Variants in RBFOX1 observed in about 807,000 individuals in gnomAD.
RBFOX1 encodes RNA binding protein fox-1 homolog 1.
A neutral mutation model predicts 57.7 loss-of-function variants in RBFOX1; 8 were observed. The ratio of observed to expected loss-of-function variants is 0.14; its 90% CI spans 0.08 to 0.25. RBFOX1 has a LOEUF of 0.25. RBFOX1 is among the 10% of genes least tolerant of loss of function. The pLI is 1.00. For synonymous variants in RBFOX1, 326 were observed against 222.4 expected (o/e 1.47, Z -4.15); for missense variants, 611 against 548.5 (o/e 1.11, Z -1.14).
intron 3 of RBFOX1, among the ~76,000 whole-genome samples, chr16:6,966,001 A>G (rs1022877318): frequency 6.6e-6 from 1 of 152,140 alleles, no homozygotes; most frequent in Admixed American, 6.5e-5. Context: ...AATGCTCAAA[A>G]TGGAGCGTAT....
chr16:7,498,714 C>G (rs574723865), intron 4 of RBFOX1, among the ~76,000 whole-genome samples: 2 of 152,258 alleles, frequency 1.3e-5, no homozygotes, highest in South Asian at 4.1e-4. Flanking sequence ...AGCCACATTT[C>G]AACACCCAAT....
intron 4 of RBFOX1, among the ~76,000 whole-genome samples, chr16:7,451,784 G>C (rs1567234544): frequency 6.7e-6 from 1 of 149,238 alleles, no homozygotes; most frequent in Non-Finnish European, 1.5e-5. Flanking sequence ...ATTTGTGTCA[G>C]CTTCAGCTGA....
In RBFOX1 at chr16:6,518,821, A is replaced by G. The variant is rs530537999; in HGVS notation, c.-63-135782A>G. Among the ~76,000 whole-genome samples the G allele has an allele frequency of 1.1e-3, 131 of 116,078 alleles. 1 individual carries two copies. Among genetic ancestry groups the G allele is most frequent in the African/African-American group, 4.3e-3 (123 of 28,374 alleles). The allele number at this position is 116,078 out of a possible 152,430, so 76.2% of individuals were successfully genotyped here. On this transcript the variant is annotated intron_variant, in intron 2 of 15. Coordinates refer to ENST00000550418, the MANE Select transcript of RBFOX1 (RefSeq NM_018723.4). ...TGTCTATCTATCTATCTATCTATCT[A>G]TCTATCTATCTATCTATCTATCTAT...
chr16:6,916,765 T>A (rs931410501), intron 3 of RBFOX1, among the ~76,000 whole-genome samples: 3 of 152,170 alleles, frequency 2.0e-5, no homozygotes, highest in Admixed American at 6.5e-5. Context: ...TACCACCCAC[T>A]TAAACTTTTC....
At chr16:7,235,607 C>T (rs569891753) in intron 4 of RBFOX1, among the ~76,000 whole-genome samples, 1 of 152,288 alleles carries the variant, frequency 6.6e-6, no homozygotes, top group Non-Finnish European at 1.5e-5. Context: ...AATTGATGGG[C>T]AGCCATATCT....
intron 3 of RBFOX1, among the ~76,000 whole-genome samples, chr16:6,741,299 AT>A (rs1335550181): frequency 1.3e-5 from 2 of 152,200 alleles, no homozygotes; most frequent in African/African-American, 4.8e-5. Context: ...TAGGAAAAAT[AT>A]CTTTCGAACT....
chr16:6,223,919 T>C (rs1298561064), intron 1 of RBFOX1, among the ~76,000 whole-genome samples: 1 of 152,238 alleles, frequency 6.6e-6, no homozygotes, highest in Non-Finnish European at 1.5e-5. Context: ...TTTCTCCATA[T>C]GGCTAGCCAG....
intron 3 of RBFOX1, among the ~76,000 whole-genome samples, chr16:6,962,484 G>T (rs1391853061): frequency 6.6e-6 from 1 of 152,142 alleles, no homozygotes; most frequent in Admixed American, 6.6e-5. Flanking sequence ...GTTTAATATA[G>T]CCGCAGTGTG....
chr16:5,724,308 C>T (rs527809409), intron 3 of RBFOX1, among the ~76,000 whole-genome samples: 222 of 152,200 alleles, frequency 1.5e-3, no homozygotes, highest in Non-Finnish European at 2.4e-3. Flanking sequence ...CCTAAAGGCA[C>T]GGTGGGATTG....
chr16:7,261,021 C>G (rs1185766987), intron 4 of RBFOX1, among the ~76,000 whole-genome samples: 2 of 152,092 alleles, frequency 1.3e-5, no homozygotes, highest in East Asian at 3.9e-4. Flanking sequence ...GAAGTTTCTC[C>G]CAAGCCTACC....
intron 4 of RBFOX1, among the ~76,000 whole-genome samples, chr16:7,302,947 AT>A (rs1365703880): frequency 6.6e-6 from 1 of 152,158 alleles, no homozygotes; most frequent in African/African-American, 2.4e-5. Flanking sequence ...ACAGGCAAGA[AT>A]AAAAAAAATA....
At chr16:7,079,313 A>G (rs1042735462) in intron 4 of RBFOX1, among the ~76,000 whole-genome samples, 1 of 152,160 alleles carries the variant, frequency 6.6e-6, no homozygotes, top group Non-Finnish European at 1.5e-5. Context: ...GAGGTTTGTT[A>G]AGAGGAGACC....
intron 4 of RBFOX1, among the ~76,000 whole-genome samples, chr16:7,168,147 A>G (rs985963099): frequency 2.0e-5 from 3 of 152,218 alleles, no homozygotes; most frequent in East Asian, 1.9e-4. Flanking sequence ...ATCAGTCAGC[A>G]TTAAAGTTCA....
chr16:5,752,578 C>G (rs2053248306), intron 3 of RBFOX1, among the ~76,000 whole-genome samples: 1 of 152,142 alleles, frequency 6.6e-6, no homozygotes, highest in South Asian at 2.1e-4. Context: ...GCCATAGGAT[C>G]TTATTTTCTC....
intron 5 of RBFOX1, among the ~76,000 whole-genome samples, chr16:7,541,068 C>T (rs1046952366): frequency 6.6e-6 from 1 of 152,154 alleles, no homozygotes; most frequent in Non-Finnish European, 1.5e-5. Flanking sequence ...CACCCCTAAC[C>T]ACACACCTGG....
chr16:6,956,592 A>G (rs1473541254), intron 3 of RBFOX1, among the ~76,000 whole-genome samples: 1 of 152,214 alleles, frequency 6.6e-6, no homozygotes, highest in East Asian at 1.9e-4. Context: ...TGTGGGAGAC[A>G]GAGGAGTGAG....
intron 3 of RBFOX1, among the ~76,000 whole-genome samples, chr16:6,814,125 T>C (rs1355231267): frequency 6.6e-6 from 1 of 152,120 alleles, no homozygotes; most frequent in African/African-American, 2.4e-5. Context: ...ATAGGGAGCT[T>C]ATTTAAAACT....
At chr16:5,678,003 C>T (rs187328125) in intron 3 of RBFOX1, among the ~76,000 whole-genome samples, 5 of 152,320 alleles carry the variant, frequency 3.3e-5, no homozygotes, top group Non-Finnish European at 5.9e-5. Context: ...TGTGTGTGTA[C>T]ATATTTCAGC....
intron 2 of RBFOX1, among the ~76,000 whole-genome samples, chr16:6,629,492 T>G (rs2098356061): frequency 6.6e-6 from 1 of 152,216 alleles, no homozygotes; most frequent in African/African-American, 2.4e-5. Context: ...ATCAGCTGTC[T>G]TCATTTACAA....
Sources: gnomAD v4.1 joint callset for allele counts (sites outside exome capture counted in the v4.1 genomes callset) on GRCh38, gnomAD v4.1.1 for gene constraint, MANE v1.5 for transcripts, NCBI Gene and HGNC (gene_info 2026-07-23, HGNC 2026-07-21) for gene names.